Variants in DNMT3A observed in about 807,000 individuals in gnomAD.
The protein encoded by DNMT3A is DNA methyltransferase 3 alpha, also known as DNA (cytosine-5)-methyltransferase 3A.
A neutral mutation model predicts 117.6 loss-of-function variants in DNMT3A; 267 were observed. That is an observed-to-expected ratio of 2.27 (90% confidence interval 2.05 to 2.51). DNMT3A has a LOEUF of 2.51. Ranked by LOEUF, DNMT3A falls within the 30% of genes most tolerant of loss-of-function variation. The pLI is 0.00. For synonymous variants in DNMT3A, 432 were observed against 474.8 expected (o/e 0.91, Z 1.17); for missense variants, 1,029 against 1,260.2 (o/e 0.82, Z 2.78).
intron 3 of DNMT3A, among the ~76,000 whole-genome samples, chr2:25,289,033 A>C (rs1360034868): frequency 6.6e-6 from 1 of 152,060 alleles, no homozygotes; most frequent in African/African-American, 2.4e-5. Context: ...ATCTCCTTAC[A>C]ATTCATACCT....
chr2:25,241,916 C>T, intron 16 of DNMT3A: 2 of 612,848 alleles, frequency 3.3e-6, no homozygotes, highest in Non-Finnish European at 2.7e-6. Context: ...CCTCGTTTGG[C>T]CTATCTGGAA....
Position 25,327,373 on chromosome 2 carries a change from C to A in DNMT3A, c.-177-13212G>T, listed in dbSNP as rs1437374953. ...GAGCTCAATTCAACATCCTGGCCAG[C>A]TAATCACTCCCTGCTTCAAGCACTC... On this transcript the variant is annotated intron_variant, in intron 1 of 22. Coordinates refer to ENST00000321117, the MANE Select transcript of DNMT3A (RefSeq NM_022552.5). This position sits in a 1 kb window ranked among gnomAD's most constrained non-coding sequence, Gnocchi z 4.1. 2.6e-5 allele frequency among the ~76,000 whole-genome samples: 4 copies of A among 152,138 alleles called. No homozygotes were observed. The highest frequency in any genetic ancestry group is 9.7e-5 in the African/African-American group (4 of 41,412).
chr2:25,339,848 T>C lies in DNMT3A; in HGVS notation c.-178+1978A>G, dbSNP rs1232747227. Among the ~76,000 whole-genome samples the C allele has an allele frequency of 6.6e-6, 1 of 152,046 alleles. No homozygotes were observed. The highest frequency in any genetic ancestry group is 1.5e-5 in the Non-Finnish European group (1 of 68,014). On this transcript the variant is annotated intron_variant, in intron 1 of 22. Coordinates refer to ENST00000321117, the MANE Select transcript of DNMT3A (RefSeq NM_022552.5). This position sits in a 1 kb window ranked among gnomAD's most constrained non-coding sequence, Gnocchi z 4.9. Reference sequence around the variant, plus strand: ...CCCAGGCAATAGCAAGGCGAATAGCTCCCCTGGCTGCAGCTGTCACATCTG... The same window carrying C: ...CCCAGGCAATAGCAAGGCGAATAGCCCCCCTGGCTGCAGCTGTCACATCTG...
At position 25,314,263 on chromosome 2, in the gene DNMT3A, G is replaced by C. The variant is rs974924452; in HGVS notation, c.-177-102C>G. 6.2e-6 allele frequency: 8 copies of C among 1,296,396 alleles called. No individual in the cohort carries two copies. The Admixed American group carries it at 2.7e-4, about 43-fold the overall frequency. The allele number at this position is 1,296,396 out of a possible 1,614,324, so 80.3% of individuals were successfully genotyped here. A position where few individuals can be genotyped will look rare whatever the true frequency, so the allele number is the denominator to read the frequency against. Reference sequence around the variant, plus strand: ...CCTGGCCTGTGAGGCCTGGGGTGTTGCTCCTCCTTCTGGCCTCACCAGCAC... The same window carrying C: ...CCTGGCCTGTGAGGCCTGGGGTGTTCCTCCTCCTTCTGGCCTCACCAGCAC... On this transcript the variant is annotated intron_variant, in intron 1 of 22. Transcript: ENST00000321117.
Position 25,241,625 on chromosome 2 carries a change from G to GCC in DNMT3A, c.2017_2018dup (p.Met674AlafsTer32). ...TGATCTTCCCCTGGTGCCGCACCATGCCCACCGTGATGGAGTCCTCACACA... is the reference window on the plus strand; with the variant it reads ...TGATCTTCCCCTGGTGCCGCACCATGCCCCCACCGTGATGGAGTCCTCACACA... On this transcript the variant is annotated frameshift_variant, in exon 17 of 23. Coordinates refer to ENST00000321117, the MANE Select transcript of DNMT3A (RefSeq NM_022552.5). LOFTEE classifies it high-confidence loss of function. 1 of 1,613,904 alleles carries GCC rather than the reference G, an allele frequency of 6.2e-7. No individual in the cohort carries two copies. Among genetic ancestry groups the GCC allele is most frequent in the Non-Finnish European group, 8.5e-7 (1 of 1,179,956 alleles).
intron 16 of DNMT3A, among the ~76,000 whole-genome samples, chr2:25,242,994 C>G (rs773529632): frequency 6.6e-6 from 1 of 152,140 alleles, no homozygotes. Flanking sequence ...TGGAACCTTA[C>G]GCAACACTTA....
intron 1 of DNMT3A, among the ~76,000 whole-genome samples, chr2:25,321,971 T>C (rs1354885112): frequency 6.6e-6 from 1 of 152,156 alleles, no homozygotes; most frequent in African/African-American, 2.4e-5. Flanking sequence ...AGCAGAAAGG[T>C]TGGACATGTA....
chr2:25,294,896 C>T lies in DNMT3A; in HGVS notation c.177+5243G>A, dbSNP rs2032998734. Among the ~76,000 whole-genome samples, 2 of 152,120 alleles carry T rather than the reference C, an allele frequency of 1.3e-5. No homozygotes were observed. Among genetic ancestry groups the T allele is most frequent in the African/African-American group, 4.8e-5 (2 of 41,416 alleles). On this transcript the variant is annotated intron_variant, in intron 3 of 22. Transcript: ENST00000321117. The surrounding 1 kb of genome is among the most constrained non-coding windows in gnomAD (Gnocchi z 4.7). ...GCCCAGCCCCCTCCTCCTCCTCCCT[C>T]CCATTCTGGGTTATTCTTAGCAGGA...
chr2:25,300,712 A>ATATATATATAC (rs1491509599), intron 2 of DNMT3A, among the ~76,000 whole-genome samples: 1 of 18,934 alleles, frequency 5.3e-5, no homozygotes, highest in African/African-American at 1.7e-4. Context: ...TAAATAATAT[A>ATATATATATAC]ATATATATAT....
intron 2 of DNMT3A, among the ~76,000 whole-genome samples, chr2:25,310,352 G>T (rs1008451499): frequency 2.2e-5 from 3 of 137,146 alleles, no homozygotes; most frequent in African/African-American, 8.0e-5. Context: ...CATGAGGCCA[G>T]CCCCCTCCCT....
At chr2:25,320,337 A>G (rs1375613700) in intron 1 of DNMT3A, among the ~76,000 whole-genome samples, 2 of 152,210 alleles carry the variant, frequency 1.3e-5, no homozygotes, top group East Asian at 3.8e-4. Context: ...CCGTGTGGAA[A>G]GCAATACTGA....
intron 3 of DNMT3A, among the ~76,000 whole-genome samples, chr2:25,292,388 C>T (rs1327193908): frequency 2.0e-5 from 3 of 152,024 alleles, no homozygotes; most frequent in Admixed American, 6.6e-5. Context: ...AAAGCCATTA[C>T]GTATGAGAGA....
intron 6 of DNMT3A, 90 bp downstream of exon 6, chr2:25,274,851 G>A: frequency 1.3e-6 from 2 of 1,525,040 alleles, no homozygotes; most frequent in South Asian, 2.6e-5. Flanking sequence ...TAAGTTCTAA[G>A]GGTTAGCCTG....
In DNMT3A at chr2:25,304,754, C is replaced by T. The variant is rs1416540537; in HGVS notation, c.73-4511G>A. Among the ~76,000 whole-genome samples the T allele has an allele frequency of 6.6e-6, 1 of 152,358 alleles. No individual in the cohort carries two copies. The highest frequency in any genetic ancestry group is 1.5e-5 in the Non-Finnish European group (1 of 68,040). On this transcript the variant is annotated intron_variant, in intron 2 of 22. Coordinates refer to ENST00000321117, the MANE Select transcript of DNMT3A (RefSeq NM_022552.5). The surrounding 1 kb of genome is among the most constrained non-coding windows in gnomAD (Gnocchi z 4.3). Reference sequence around the variant, plus strand: ...CACACTGTGGTCCCAACAGACAGCACCAAGCGCGAAAGCAAACTGCTTCCG... The same window carrying T: ...CACACTGTGGTCCCAACAGACAGCATCAAGCGCGAAAGCAAACTGCTTCCG...
intron 22 of DNMT3A, 125 bp downstream of exon 22, chr2:25,235,582 T>TA: frequency 1.3e-6 from 1 of 742,880 alleles, no homozygotes. Context: ...AAATGCTTGA[T>TA]AAAACCCACT....
Position 25,319,681 on chromosome 2 carries a change from C to T in DNMT3A, c.-177-5520G>A, listed in dbSNP as rs138192831. ...CATCACCATGCCCTCTGCTGTCGAA[C>T]TGTCTTTTTACCTGACAAAACTACA... On this transcript the variant is annotated intron_variant, in intron 1 of 22. Coordinates refer to ENST00000321117, the MANE Select transcript of DNMT3A (RefSeq NM_022552.5). Among the ~76,000 whole-genome samples, 474 of 152,066 alleles carry T rather than the reference C, an allele frequency of 3.1e-3. 2 individuals carry two copies. Among genetic ancestry groups the T allele is most frequent in the African/African-American group, 0.011 (465 of 41,552 alleles).
chr2:25,307,086 C>T (rs949581888), intron 2 of DNMT3A, among the ~76,000 whole-genome samples: 12 of 152,344 alleles, frequency 7.9e-5, no homozygotes, highest in Admixed American at 3.3e-4. Context: ...CTGCTCTGGG[C>T]GCCCCCTAAC....
chr2:25,247,005 C>T lies in DNMT3A; in HGVS notation c.1122+46G>A. ...ACCTGCACTCCAACTTCCAGGCCTC[C>T]TAGTGCTCTAGGCTCCTCCTCCGAG... On this transcript the variant is annotated intron_variant, in intron 9 of 22. Coordinates refer to ENST00000321117, the MANE Select transcript of DNMT3A (RefSeq NM_022552.5). This position sits in a 1 kb window ranked among gnomAD's most constrained non-coding sequence, Gnocchi z 5.6. 6.3e-7 allele frequency: 1 copy of T among 1,590,872 alleles called. No homozygotes were observed. Among genetic ancestry groups the T allele is most frequent in the Non-Finnish European group, 8.6e-7 (1 of 1,167,228 alleles).
At chr2:25,291,572 G>A (rs1214596795) in intron 3 of DNMT3A, among the ~76,000 whole-genome samples, 1 of 152,226 alleles carries the variant, frequency 6.6e-6, no homozygotes, top group Admixed American at 6.5e-5. Flanking sequence ...CAGCCAGTGG[G>A]GTCAGGGATG....
Sources: allele counts gnomAD v4.1 joint callset (sites outside exome capture counted in the v4.1 genomes callset), GRCh38; gene constraint gnomAD v4.1.1; non-coding constraint Gnocchi (gnomAD v3.1); transcripts MANE v1.5; gene names NCBI Gene and HGNC (gene_info 2026-07-23, HGNC 2026-07-21).